The following C3orf52 variants were observed in gnomAD, a reference collection of about 807,000 sequenced individuals.
C3orf52 encodes chromosome 3 open reading frame 52, also known as TPA-induced transmembrane protein.
C3orf52 carries 22 observed loss-of-function variants against 24.8 expected under a neutral mutation model. The observed-to-expected ratio is 0.89, with a 90% CI of 0.63 to 1.27. C3orf52 has a LOEUF of 1.27. Among genes scored for constraint, C3orf52 ranks in the 50% most tolerant of loss-of-function variants. The pLI is 0.00. For synonymous variants in C3orf52, 93 were observed against 100.2 expected (o/e 0.93, Z 0.43); for missense variants, 265 against 260.7 (o/e 1.02, Z -0.11).
intron 5 of C3orf52, among the ~76,000 whole-genome samples, chr3:112,115,520 C>T (rs1427121243): frequency 6.6e-6 from 1 of 152,096 alleles, no homozygotes; most frequent in Non-Finnish European, 1.5e-5. Flanking sequence ...AGCAAAGATT[C>T]TTAAAATTGT....
chr3:112,091,155 C>A (rs62280198), intron 1 of C3orf52, among the ~76,000 whole-genome samples: 1 of 152,076 alleles, frequency 6.6e-6, no homozygotes, highest in African/African-American at 2.4e-5. Context: ...AACATTTGTC[C>A]CCTCATCTAG....
At chr3:112,121,712 A>G (rs2074203957), downstream of C3orf52, 1 of 152,236 alleles carries the variant, frequency 6.6e-6, no homozygotes, top group Non-Finnish European at 1.5e-5. Context: ...AGGAAGAGAT[A>G]CCAAGATGCA....
chr3:112,112,793 A>G (rs2074096545), intron 4 of C3orf52, 171 bp from the exon 5 acceptor site: 2 of 705,830 alleles, frequency 2.8e-6, no homozygotes, highest in Non-Finnish European at 2.6e-6. Context: ...TGATGAATCT[A>G]TGGAAGAGGA....
At chr3:112,106,488 T>G (rs950751671) in intron 3 of C3orf52, among the ~76,000 whole-genome samples, 1 of 151,960 alleles carries the variant, frequency 6.6e-6, no homozygotes, top group Admixed American at 6.5e-5. Context: ...TCATCAGAAA[T>G]AAAGACACTC....
chr3:112,098,481 T>G (rs1407790655), intron 2 of C3orf52, among the ~76,000 whole-genome samples: 2 of 151,790 alleles, frequency 1.3e-5, no homozygotes, highest in African/African-American at 4.8e-5. Flanking sequence ...AGGTGACTCC[T>G]AGATCTACAT....
intron 2 of C3orf52, among the ~76,000 whole-genome samples, chr3:112,097,343 GA>G (rs2073935530): frequency 6.6e-6 from 1 of 152,168 alleles, no homozygotes; most frequent in Non-Finnish European, 1.5e-5. Context: ...TGGATGCTTA[GA>G]AACATGATTT....
At chr3:112,114,153 A>G (rs757577905) in intron 5 of C3orf52, among the ~76,000 whole-genome samples, 1 of 152,208 alleles carries the variant, frequency 6.6e-6, no homozygotes, top group African/African-American at 2.4e-5. Context: ...GCATAGTACA[A>G]GACAAGGTGT....
chr3:112,094,835 C>G (rs2073911979), intron 2 of C3orf52, among the ~76,000 whole-genome samples: 1 of 152,144 alleles, frequency 6.6e-6, no homozygotes, highest in Non-Finnish European at 1.5e-5. Flanking sequence ...TCGACTGAGG[C>G]TGGGATACTC....
chr3:112,127,122 T>C, intron 4 of C3orf52: 2 of 805,364 alleles, frequency 2.5e-6, no homozygotes, highest in South Asian at 1.6e-5. Context: ...TTTTAACTCT[T>C]TGTTAAAGTT....
In C3orf52 at chr3:112,086,435, G is replaced by A; in HGVS notation, c.28G>A (p.Val10Ile). 1 of 1,551,046 alleles carries A rather than the reference G, an allele frequency of 6.4e-7. No homozygotes were observed. The highest frequency in any genetic ancestry group is 8.7e-7 in the Non-Finnish European group (1 of 1,146,614). Residue 10 changes from valine to isoleucine, a missense_variant, in exon 1 of 6, where the codon GTA becomes ATA. Val to Ile is a conservative substitution (Grantham distance 29). Coordinates refer to ENST00000264848, the MANE Select transcript of C3orf52 (RefSeq NM_024616.3). MDLAQPSQPVDELELSVLER... is the reference protein window; with the variant it reads MDLAQPSQPIDELELSVLER... ...GGACCTGGCCCAACCCTCACAGCCA[G>A]TAGACGAGCTGGAGCTCTCGGTGCT...
At chr3:112,109,741 A>G (rs2074060235) in intron 4 of C3orf52, 128 bp downstream of exon 4, 1 of 599,902 alleles carries the variant, frequency 1.7e-6, no homozygotes, top group Non-Finnish European at 3.0e-6. Flanking sequence ...TAATAGAATC[A>G]CAGAATGTCA....
chr3:112,127,636 C>T (rs928766713), intron 4 of C3orf52, among the ~76,000 whole-genome samples: 3 of 152,166 alleles, frequency 2.0e-5, no homozygotes. Context: ...CTTTCACTCT[C>T]AAAGGTATCT....
At chr3:112,096,230 A>G (rs2073926072) in intron 2 of C3orf52, among the ~76,000 whole-genome samples, 1 of 152,218 alleles carries the variant, frequency 6.6e-6, no homozygotes, top group Admixed American at 6.5e-5. Context: ...GGAAGCTGAG[A>G]GGCTAAAGAA....
chr3:112,129,864 C>G (rs1043710329), downstream of C3orf52: 7 of 152,304 alleles, frequency 4.6e-5, no homozygotes, highest in African/African-American at 1.7e-4. Context: ...AAAAACTGAC[C>G]TTGTCAGCCC....
At chr3:112,116,069 A>C (rs1163201654) in intron 5 of C3orf52, among the ~76,000 whole-genome samples, 1 of 152,152 alleles carries the variant, frequency 6.6e-6, no homozygotes, top group Non-Finnish European at 1.5e-5. Flanking sequence ...CTGAGTAGGG[A>C]AAAAGGGCAA....
In C3orf52 at chr3:112,100,837, T is replaced by C. The variant is rs190046098; in HGVS notation, c.269-2001T>C. Among the ~76,000 whole-genome samples the C allele has an allele frequency of 1.3e-4, 20 of 152,322 alleles. No individual in the cohort carries two copies. In the East Asian group the frequency reaches 2.9e-3, roughly 22 times the overall value. On this transcript the variant is annotated intron_variant, in intron 2 of 5. Transcript: ENST00000264848. Reference sequence around the variant, plus strand: ...CAAGGAATTTTAAGCACATGGGAAATGGCTTTTGATATGTTTACAACAGAA... The same window carrying C: ...CAAGGAATTTTAAGCACATGGGAAACGGCTTTTGATATGTTTACAACAGAA...
At position 112,110,234 on chromosome 3, in the gene C3orf52, G is replaced by T. The variant is rs564463247; in HGVS notation, c.467+621G>T. ...AATCCCAGCTACTCAGGAGGCTGAG[G>T]CAGGAGAATCTCTTGAATTCGGGAG... On this transcript the variant is annotated intron_variant, in intron 4 of 5. Transcript: ENST00000264848. Among the ~76,000 whole-genome samples the T allele has an allele frequency of 5.3e-5, 8 of 152,218 alleles. No homozygotes were observed. In the East Asian group the frequency reaches 1.5e-3, roughly 29 times the overall value.
Position 112,102,939 on chromosome 3 carries a change from G to A in C3orf52, c.370G>A (p.Glu124Lys). Residue 124 changes from glutamate to lysine, a missense_variant, in exon 3 of 6, where the codon GAA (glutamate) becomes AAA (lysine). Glu to Lys is a moderately conservative substitution (Grantham distance 56). Transcript: ENST00000264848. ...KIPEECVAEE[E>K]LPHLLTERLT... is the part of the protein sequence containing the mutation. ...TCCAGAGGAGTGTGTTGCTGAAGAG[G>A]AATTGCCTCACCTGCTCACCGAAAG... is the stretch of plus-strand genomic sequence containing the variant. 1 of 1,612,422 alleles carries A rather than the reference G, an allele frequency of 6.2e-7. No individual in the cohort carries two copies. Among genetic ancestry groups the A allele is most frequent in the East Asian group, 2.2e-5 (1 of 44,858 alleles).
intron 1 of C3orf52, among the ~76,000 whole-genome samples, chr3:112,091,228 G>A (rs1485020923): frequency 6.6e-6 from 1 of 152,130 alleles, no homozygotes; most frequent in African/African-American, 2.4e-5. Flanking sequence ...GCCCACAATC[G>A]TTAAATGTAT....
Sources: allele counts gnomAD v4.1 joint callset (sites outside exome capture counted in the v4.1 genomes callset), GRCh38; gene constraint gnomAD v4.1.1; transcripts MANE v1.5; gene names NCBI Gene and HGNC (gene_info 2026-07-23, HGNC 2026-07-21).